Variants in RALYL observed in about 807,000 individuals in gnomAD.
RALYL encodes RALY RNA binding protein like.
Under a neutral mutation model 35.1 loss-of-function variants are expected in RALYL, and 29 were observed. The ratio of observed to expected loss-of-function variants is 0.83; its 90% CI spans 0.61 to 1.13. The LOEUF (loss-of-function observed/expected upper bound fraction) is 1.13. RALYL is among the 50% of genes most tolerant of loss of function. The probability of loss-of-function intolerance (pLI) is 0.00; values close to 1 mark genes in which losing one functional copy is unlikely to be tolerated. For missense variants in RALYL, 359 were observed against 360.4 expected (o/e 1.00, Z 0.03); for synonymous variants, 120 against 127.6 (o/e 0.94, Z 0.40).
chr8:84,310,828 A>G (rs1490853722), intron 1 of RALYL, among the ~76,000 whole-genome samples: 1 of 149,716 alleles, frequency 6.7e-6, no homozygotes, highest in East Asian at 1.9e-4. Flanking sequence ...CGGGTGGATC[A>G]TGAGGTCAGG....
intron 1 of RALYL, among the ~76,000 whole-genome samples, chr8:84,446,113 T>C (rs1260850631): frequency 6.6e-6 from 1 of 152,042 alleles, no homozygotes; most frequent in Non-Finnish European, 1.5e-5. Context: ...TAATTTACTT[T>C]ATATTCTACG....
chr8:84,664,081 C>T lies in RALYL; in HGVS notation c.257-110498C>T, dbSNP rs181304446. Among the ~76,000 whole-genome samples the T allele has an allele frequency of 1.9e-3, 285 of 152,028 alleles. 3 individuals carry two copies. Among genetic ancestry groups the T allele is most frequent in the African/African-American group, 6.5e-3 (270 of 41,462 alleles). On this transcript the variant is annotated intron_variant, in intron 2 of 8. Transcript: ENST00000521268. ...CATTTATTAAATAGAGAATCCTTTC[C>T]CCATTGCTTGTTTTGGTCAGGTTTG... is the stretch of plus-strand genomic sequence containing the variant.
Position 84,361,563 on chromosome 8 carries a change from C to A in RALYL, c.-23-167736C>A, listed in dbSNP as rs73296865. Among the ~76,000 whole-genome samples, 1,398 of 152,212 alleles carry A rather than the reference C, an allele frequency of 9.2e-3. 34 individuals carry two copies. Among genetic ancestry groups the A allele is most frequent in the African/African-American group, 0.032 (1,309 of 41,520 alleles). Reference sequence around the variant, plus strand: ...AAAGAAGAAATCCTAAGCCATAATTCATCTGAAAAGCCAATGGCTGAAGTT... The same window carrying A: ...AAAGAAGAAATCCTAAGCCATAATTAATCTGAAAAGCCAATGGCTGAAGTT... On this transcript the variant is annotated intron_variant, in intron 1 of 8. Coordinates refer to ENST00000521268, the MANE Select transcript of RALYL (RefSeq NM_173848.7).
At chr8:84,296,192 A>C (rs1168095492) in intron 1 of RALYL, among the ~76,000 whole-genome samples, 2 of 152,104 alleles carry the variant, frequency 1.3e-5, no homozygotes, top group Non-Finnish European at 2.9e-5. Context: ...TGCACTCTAT[A>C]TTGCTGTATT....
chr8:84,220,554 GA>G (rs1821952285), intron 1 of RALYL, among the ~76,000 whole-genome samples: 3 of 151,844 alleles, frequency 2.0e-5, no homozygotes, highest in African/African-American at 4.8e-5. Context: ...AATAAATCAA[GA>G]AAAAACATAA....
At chr8:84,345,103 T>C (rs1849591223) in intron 1 of RALYL, among the ~76,000 whole-genome samples, 1 of 151,516 alleles carries the variant, frequency 6.6e-6, no homozygotes. Context: ...CTTTCTCTTT[T>C]TTTTTTTTTT....
intron 1 of RALYL, among the ~76,000 whole-genome samples, chr8:84,213,940 A>T (rs977558961): frequency 1.4e-4 from 22 of 152,274 alleles, no homozygotes; most frequent in African/African-American, 5.3e-4. Context: ...CATTGATATT[A>T]TTGGAATTTG....
chr8:84,697,206 A>T (rs1839318662), intron 2 of RALYL, among the ~76,000 whole-genome samples: 1 of 152,050 alleles, frequency 6.6e-6, no homozygotes, highest in Non-Finnish European at 1.5e-5. Flanking sequence ...TAGAAACAAA[A>T]ATATGCTGAA....
chr8:84,721,007 GA>G (rs1025164102), intron 2 of RALYL, among the ~76,000 whole-genome samples: 4 of 152,002 alleles, frequency 2.6e-5, no homozygotes, highest in African/African-American at 9.7e-5. Context: ...GGAGCATTTG[GA>G]GAAAGGGAAG....
chr8:84,889,177 A>T (rs1203216159), intron 8 of RALYL, among the ~76,000 whole-genome samples: 2 of 116,316 alleles, frequency 1.7e-5, no homozygotes, highest in Non-Finnish European at 3.2e-5. Flanking sequence ...GAATCTATTG[A>T]TTAAGGATTA....
At chr8:84,868,447 C>A (rs1334353510) in intron 6 of RALYL, among the ~76,000 whole-genome samples, 1 of 152,170 alleles carries the variant, frequency 6.6e-6, no homozygotes, top group Non-Finnish European at 1.5e-5. Context: ...CCTGCCTCAG[C>A]CTCCTAAAGC....
chr8:84,710,830 A>G (rs1415752953), intron 2 of RALYL, among the ~76,000 whole-genome samples: 1 of 152,148 alleles, frequency 6.6e-6, no homozygotes, highest in Non-Finnish European at 1.5e-5. Context: ...TACTTTCCAG[A>G]GACTGCTCTA....
At chr8:84,325,250 C>A (rs377273640) in intron 1 of RALYL, among the ~76,000 whole-genome samples, 2 of 152,110 alleles carry the variant, frequency 1.3e-5, no homozygotes, top group African/African-American at 4.8e-5. Context: ...TTTAAATCAC[C>A]AAACCGTTCA....
chr8:84,752,960 G>T (rs759498551), intron 2 of RALYL, among the ~76,000 whole-genome samples: 3 of 152,144 alleles, frequency 2.0e-5, no homozygotes, highest in African/African-American at 7.2e-5. Context: ...GCTGTGAGAT[G>T]AAGGCCACTG....
intron 1 of RALYL, among the ~76,000 whole-genome samples, chr8:84,462,118 T>A (rs1048404611): frequency 4.6e-5 from 7 of 151,680 alleles, no homozygotes; most frequent in African/African-American, 7.2e-5. Context: ...AATCAGTTTT[T>A]TTTTTATTTT....
intron 2 of RALYL, among the ~76,000 whole-genome samples, chr8:84,724,973 G>A (rs1392126953): frequency 6.6e-6 from 1 of 151,546 alleles, no homozygotes; most frequent in Non-Finnish European, 1.5e-5. Context: ...TAATTATGAA[G>A]CATAGCTTCA....
At chr8:84,797,103 A>T (rs1822111484) in intron 3 of RALYL, among the ~76,000 whole-genome samples, 1 of 152,244 alleles carries the variant, frequency 6.6e-6, no homozygotes, top group South Asian at 2.1e-4. Context: ...GAAGTCCAAA[A>T]TCAAGAGGCA....
intron 1 of RALYL, among the ~76,000 whole-genome samples, chr8:84,275,004 C>A (rs1027219067): frequency 1.3e-5 from 2 of 152,132 alleles, no homozygotes; most frequent in African/African-American, 4.8e-5. Context: ...TGTGACTGAC[C>A]ATATTTGCAT....
chr8:84,339,645 C>G (rs549503962), intron 1 of RALYL, among the ~76,000 whole-genome samples: 4 of 151,838 alleles, frequency 2.6e-5, no homozygotes, highest in African/African-American at 7.2e-5. Context: ...ACCCCACCCC[C>G]CAGTTTGTGG....
Sources: allele counts gnomAD v4.1 joint callset (sites outside exome capture counted in the v4.1 genomes callset), GRCh38; gene constraint gnomAD v4.1.1; transcripts MANE v1.5; gene names NCBI Gene and HGNC (gene_info 2026-07-23, HGNC 2026-07-21).